The following ZNF385D variants were observed in gnomAD, a reference collection of about 807,000 sequenced individuals.
The protein encoded by ZNF385D is zinc finger protein 385D, also known as zinc finger protein 659.
Under a neutral mutation model 35.8 loss-of-function variants are expected in ZNF385D, and 15 were observed. The ratio of observed to expected loss-of-function variants is 0.42; its 90% CI spans 0.28 to 0.64. The LOEUF (loss-of-function observed/expected upper bound fraction) is 0.64, where lower values mean the gene tolerates loss of function less well. Ranked by LOEUF, ZNF385D falls within the 30% of genes least tolerant of loss-of-function variation. ZNF385D has a pLI of 0.23. For missense variants in ZNF385D, 474 were observed against 494.6 expected (o/e 0.96, Z 0.39); for synonymous variants, 212 against 186.8 (o/e 1.13, Z -1.10).
At chr3:22,285,508 T>C (rs554731703) in intron 2 of ZNF385D, among the ~76,000 whole-genome samples, 41 of 152,200 alleles carry the variant, frequency 2.7e-4, no homozygotes, top group African/African-American at 8.9e-4. Flanking sequence ...TATGTTGTTT[T>C]AACTGTGCAC....
chr3:21,802,404 A>T (rs932259782), intron 3 of ZNF385D, among the ~76,000 whole-genome samples: 6 of 152,078 alleles, frequency 3.9e-5, no homozygotes, highest in African/African-American at 1.4e-4. Flanking sequence ...TTTCTTTAAG[A>T]CCCCTGAAAG....
At chr3:21,773,706 C>A (rs2071172861) in intron 3 of ZNF385D, among the ~76,000 whole-genome samples, 1 of 150,630 alleles carries the variant, frequency 6.6e-6, no homozygotes, top group Non-Finnish European at 1.5e-5. Context: ...AAATGAAAAT[C>A]AAAACTACAA....
intron 1 of ZNF385D, among the ~76,000 whole-genome samples, chr3:21,743,312 A>T (rs2069609268): frequency 6.6e-6 from 1 of 152,214 alleles, no homozygotes; most frequent in Non-Finnish European, 1.5e-5. Flanking sequence ...CAGCAAAAAC[A>T]TACAGTATAC....
chr3:21,437,289 C>T (rs1361239974), intron 4 of ZNF385D, 86 bp from the exon 5 acceptor site: 2 of 1,282,214 alleles, frequency 1.6e-6, no homozygotes, highest in African/African-American at 1.5e-5. Flanking sequence ...ATATTGCATT[C>T]TGCTTATAAT....
intron 2 of ZNF385D, among the ~76,000 whole-genome samples, chr3:21,602,092 G>T (rs952285296): frequency 9.2e-5 from 14 of 152,190 alleles, no homozygotes; most frequent in Admixed American, 5.2e-4. Flanking sequence ...AGCAAAGGCA[G>T]GTCTTAATGG....
chr3:22,113,244 A>G (rs1702633846), intron 3 of ZNF385D, among the ~76,000 whole-genome samples: 1 of 152,108 alleles, frequency 6.6e-6, no homozygotes, highest in South Asian at 2.1e-4. Flanking sequence ...ATTTCTGAGT[A>G]ATTTCTCATT....
intron 3 of ZNF385D, among the ~76,000 whole-genome samples, chr3:21,920,317 T>A (rs1469944692): frequency 6.6e-6 from 1 of 152,132 alleles, no homozygotes; most frequent in African/African-American, 2.4e-5. Context: ...TTGTGTATGA[T>A]AAATATTTTT....
At chr3:21,795,470 G>A (rs2125672013) in intron 3 of ZNF385D, among the ~76,000 whole-genome samples, 1 of 152,316 alleles carries the variant, frequency 6.6e-6, no homozygotes, top group East Asian at 1.9e-4. Flanking sequence ...AAGAAAAGCT[G>A]GGTCTAAAAA....
chr3:21,475,033 T>G (rs1039794513), intron 4 of ZNF385D, among the ~76,000 whole-genome samples: 3 of 152,074 alleles, frequency 2.0e-5, no homozygotes, highest in Non-Finnish European at 4.4e-5. Flanking sequence ...TCATATAGTT[T>G]ATAGAGTGAA....
chr3:21,418,513 T>G lies in ZNF385D; in HGVS notation c.*2701A>C, dbSNP rs1700605090. On this transcript the variant is annotated 3_prime_UTR_variant, in exon 8 of 8. Coordinates refer to ENST00000281523, the MANE Select transcript of ZNF385D (RefSeq NM_024697.3). ...ATTTAAAAGACCATTTAAACAAAAA[T>G]GGTTCCATAGCGAAGTGAGGCAGAA... 1 of 152,128 alleles carries G rather than the reference T, an allele frequency of 6.6e-6. No homozygotes were observed. Among genetic ancestry groups the G allele is most frequent in the South Asian group, 2.1e-4 (1 of 4,832 alleles). 9.4% of individuals were successfully genotyped at this position (152,128 alleles called of 1,614,324 possible). A position where few individuals can be genotyped will look rare whatever the true frequency, so the allele number is the denominator to read the frequency against.
intron 2 of ZNF385D, among the ~76,000 whole-genome samples, chr3:21,661,811 T>G (rs1323207056): frequency 1.3e-5 from 2 of 152,214 alleles, no homozygotes; most frequent in Non-Finnish European, 2.9e-5. Flanking sequence ...GCTCTGATTC[T>G]ACATCTTTCC....
At chr3:21,854,293 G>A (rs1452318478) in intron 3 of ZNF385D, among the ~76,000 whole-genome samples, 3 of 151,876 alleles carry the variant, frequency 2.0e-5, no homozygotes, top group Non-Finnish European at 4.4e-5. Context: ...AACTTTCAAT[G>A]CCCACCTCCA....
chr3:21,954,143 T>G (rs1679239), intron 3 of ZNF385D, among the ~76,000 whole-genome samples: 1 of 151,464 alleles, frequency 6.6e-6, no homozygotes, highest in Admixed American at 6.6e-5. Flanking sequence ...AAGCACAATA[T>G]TGAGTCACGT....
intron 3 of ZNF385D, among the ~76,000 whole-genome samples, chr3:21,848,859 C>T (rs1441716038): frequency 2.0e-5 from 3 of 152,008 alleles, no homozygotes; most frequent in Non-Finnish European, 4.4e-5. Flanking sequence ...TCTAAACGTG[C>T]TGGCAGACAT....
At chr3:21,448,109 C>G (rs1440652188) in intron 4 of ZNF385D, among the ~76,000 whole-genome samples, 1 of 151,960 alleles carries the variant, frequency 6.6e-6, no homozygotes, top group Non-Finnish European at 1.5e-5. Context: ...ATGATGTAAC[C>G]GATATGCACT....
intron 2 of ZNF385D, among the ~76,000 whole-genome samples, chr3:22,339,296 A>T (rs755372982): frequency 1.3e-5 from 2 of 152,186 alleles, no homozygotes; most frequent in Non-Finnish European, 2.9e-5. Flanking sequence ...AAATACTTGA[A>T]AACTATTCAT....
intron 3 of ZNF385D, among the ~76,000 whole-genome samples, chr3:21,920,437 G>A (rs1224783329): frequency 6.6e-6 from 1 of 152,068 alleles, no homozygotes; most frequent in African/African-American, 2.4e-5. Flanking sequence ...TGCACTTAAT[G>A]TACAGATATT....
chr3:21,576,860 T>C (rs1172976073), intron 2 of ZNF385D, among the ~76,000 whole-genome samples: 1 of 152,194 alleles, frequency 6.6e-6, no homozygotes, highest in Non-Finnish European at 1.5e-5. Context: ...TTCTATACAA[T>C]AGAACATTAT....
At chr3:22,181,068 T>A (rs1186469552) in intron 2 of ZNF385D, among the ~76,000 whole-genome samples, 1 of 152,064 alleles carries the variant, frequency 6.6e-6, no homozygotes, top group Non-Finnish European at 1.5e-5. Context: ...TGCCTAGTCT[T>A]TTTGTAATAT....
Sources: gnomAD v4.1 joint callset for allele counts (sites outside exome capture counted in the v4.1 genomes callset) on GRCh38, gnomAD v4.1.1 for gene constraint, MANE v1.5 for transcripts, NCBI Gene and HGNC (gene_info 2026-07-23, HGNC 2026-07-21) for gene names.